Variants in NDUFS4 observed in about 807,000 individuals in gnomAD.
NDUFS4 encodes NADH dehydrogenase [ubiquinone] iron-sulfur protein 4, mitochondrial.
In NDUFS4, 28 loss-of-function variants were observed where a neutral mutation model predicts 24.3. The observed-to-expected ratio is 1.15, with a 90% CI of 0.85 to 1.58. NDUFS4 has a LOEUF of 1.58. Ranked by LOEUF, NDUFS4 falls within the 40% of genes most tolerant of loss-of-function variation. The probability of loss-of-function intolerance (pLI) is 0.00; values close to 1 mark genes in which losing one functional copy is unlikely to be tolerated. For missense variants in NDUFS4, 223 were observed against 207.9 expected (o/e 1.07, Z -0.45); for synonymous variants, 93 against 69.7 (o/e 1.34, Z -1.67).
intron 3 of NDUFS4, 140 bp downstream of exon 3, chr5:53,646,545 C>G: frequency 1.3e-6 from 1 of 794,498 alleles, no homozygotes; most frequent in Non-Finnish European, 2.1e-6. Flanking sequence ...CCACTGTGCT[C>G]AAAGATACAC....
At chr5:53,607,528 C>T (rs183264731) in intron 2 of NDUFS4, among the ~76,000 whole-genome samples, 124 of 152,088 alleles carry the variant, frequency 8.2e-4, no homozygotes, top group Admixed American at 1.4e-3. Context: ...ATGACACTAA[C>T]GGATGTGATT....
At chr5:53,629,105 CATCCTT>C (rs1338643886) in intron 2 of NDUFS4, among the ~76,000 whole-genome samples, 1 of 152,194 alleles carries the variant, frequency 6.6e-6, no homozygotes, top group African/African-American at 2.4e-5. Flanking sequence ...TTTCAAAGAA[CATCCTT>C]ATTTCTGCCT....
At chr5:53,628,262 G>A (rs2008659628) in intron 2 of NDUFS4, among the ~76,000 whole-genome samples, 1 of 152,186 alleles carries the variant, frequency 6.6e-6, no homozygotes, top group African/African-American at 2.4e-5. Context: ...GCTTTTTGAT[G>A]TGCTGCTGGA....
At chr5:53,636,834 G>A (rs142213010) in intron 2 of NDUFS4, among the ~76,000 whole-genome samples, 1 of 152,096 alleles carries the variant, frequency 6.6e-6, no homozygotes, top group South Asian at 2.1e-4. Context: ...TGTCGCATCT[G>A]CCCCCTTCTC....
At chr5:53,683,062 T>A (rs999795210) in intron 4 of NDUFS4, 56 bp from the exon 5 acceptor site, 8 of 1,152,950 alleles carry the variant, frequency 6.9e-6, no homozygotes, top group Non-Finnish European at 1.1e-5. Context: ...GCTGTGCTTT[T>A]CAGGTATCCT....
intron 2 of NDUFS4, among the ~76,000 whole-genome samples, chr5:53,626,598 T>C (rs1196189613): frequency 6.6e-6 from 1 of 152,234 alleles, no homozygotes; most frequent in Non-Finnish European, 1.5e-5. Context: ...TGGTATCTCA[T>C]TGTGGTTTTG....
At chr5:53,598,375 T>C (rs1469981764) in intron 1 of NDUFS4, among the ~76,000 whole-genome samples, 2 of 152,196 alleles carry the variant, frequency 1.3e-5, no homozygotes, top group Admixed American at 1.3e-4. Flanking sequence ...ATGTATGGTT[T>C]TGAAAGATTT....
intron 2 of NDUFS4, among the ~76,000 whole-genome samples, chr5:53,619,114 AAATAATAAT>A (rs574681564): frequency 3.4e-5 from 5 of 148,932 alleles, no homozygotes; most frequent in African/African-American, 5.0e-5. Context: ...ACTGTCTCCA[AAATAATAAT>A]AATAATAATA....
Position 53,616,498 on chromosome 5 carries a change from T to G in NDUFS4, c.177+12968T>G, listed in dbSNP as rs941551118. 6.6e-5 allele frequency among the ~76,000 whole-genome samples: 10 copies of G among 151,990 alleles called. No homozygotes were observed. The East Asian group carries it at 1.9e-3, about 29-fold the overall frequency. On this transcript the variant is annotated intron_variant, in intron 2 of 4. Coordinates refer to ENST00000296684, the MANE Select transcript of NDUFS4 (RefSeq NM_002495.4). ...CTGTGTGAATTAAGATCTGAATTGA[T>G]GAGAAAGAAGCAGCTGTGTGAGTAT...
intron 1 of NDUFS4, among the ~76,000 whole-genome samples, chr5:53,563,236 C>CAAAAAAAAAAAAAA (rs906204561): frequency 9.5e-6 from 1 of 105,050 alleles, no homozygotes. Context: ...CTCAAAAAAA[C>CAAAAAAAAAAAAAA]AAAAAAAAAA....
chr5:53,609,164 C>T (rs72751862), intron 2 of NDUFS4, among the ~76,000 whole-genome samples: 1 of 152,038 alleles, frequency 6.6e-6, no homozygotes, highest in South Asian at 2.1e-4. Context: ...GAATCCTTTC[C>T]GGAAGGTTTT....
At position 53,596,119 on chromosome 5, in the gene NDUFS4, G is replaced by A. The variant is rs144620129; in HGVS notation, c.99-7333G>A. Among the ~76,000 whole-genome samples, 86 of 152,106 alleles carry A rather than the reference G, an allele frequency of 5.7e-4. No individual in the cohort carries two copies. In the East Asian group the frequency reaches 0.013, roughly 22 times the overall value. On this transcript the variant is annotated intron_variant, in intron 1 of 4. Coordinates refer to ENST00000296684, the MANE Select transcript of NDUFS4 (RefSeq NM_002495.4). Reference sequence around the variant, plus strand: ...CTTTTCTTTTACTTTTACTCAGTCTGTCTTTCCAGAATGTTAAAATGGTCC... The same window carrying A: ...CTTTTCTTTTACTTTTACTCAGTCTATCTTTCCAGAATGTTAAAATGGTCC...
chr5:53,565,196 G>T (rs1579812774), intron 1 of NDUFS4, among the ~76,000 whole-genome samples: 1 of 152,226 alleles, frequency 6.6e-6, no homozygotes, highest in African/African-American at 2.4e-5. Flanking sequence ...TTGGATTGTA[G>T]ACTACATAGT....
At chr5:53,618,335 T>A (rs1047490793) in intron 2 of NDUFS4, among the ~76,000 whole-genome samples, 2 of 152,092 alleles carry the variant, frequency 1.3e-5, no homozygotes, top group Non-Finnish European at 2.9e-5. Flanking sequence ...TTTTTCTTCC[T>A]TTTTTTGCTA....
Position 53,683,250 on chromosome 5 carries a change from T to C in NDUFS4, c.*29T>C, listed in dbSNP as rs768955315. 1.4e-6 allele frequency: 2 copies of C among 1,465,390 alleles called. No individual in the cohort carries two copies. Among genetic ancestry groups the C allele is most frequent in the South Asian group, 1.1e-5 (1 of 88,050 alleles). The allele number at this position is 1,465,390 out of a possible 1,614,324, so 90.8% of individuals were successfully genotyped here. ...GGCACTGACTATATCTCTGCTTGAC[T>C]GTGAATAAAGTCAGCTGTGCAGTAT... On this transcript the variant is annotated 3_prime_UTR_variant, in exon 5 of 5. Coordinates refer to ENST00000296684, the MANE Select transcript of NDUFS4 (RefSeq NM_002495.4).
At chr5:53,672,071 G>A (rs1346093528) in intron 4 of NDUFS4, among the ~76,000 whole-genome samples, 1 of 152,032 alleles carries the variant, frequency 6.6e-6, no homozygotes, top group African/African-American at 2.4e-5. Flanking sequence ...AACAGGTCTG[G>A]CCCTGGATCC....
At chr5:53,638,570 A>G (rs1751620468) in intron 2 of NDUFS4, among the ~76,000 whole-genome samples, 1 of 152,054 alleles carries the variant, frequency 6.6e-6, no homozygotes, top group South Asian at 2.1e-4. Flanking sequence ...GGGAGAAGGT[A>G]GAGGGTTAGA....
chr5:53,646,890 A>G (rs184537323), intron 3 of NDUFS4, among the ~76,000 whole-genome samples: 159 of 152,186 alleles, frequency 1.0e-3, no homozygotes, highest in East Asian at 3.1e-3. Flanking sequence ...TCATAGGTCT[A>G]TGTGTTTAGG....
chr5:53,679,013 C>T (rs1024566790), intron 4 of NDUFS4, among the ~76,000 whole-genome samples: 1 of 152,062 alleles, frequency 6.6e-6, no homozygotes, highest in Admixed American at 6.6e-5. Flanking sequence ...CTTAACAGTA[C>T]CTCAAAAAAC....
Sources: allele counts gnomAD v4.1 joint callset (sites outside exome capture counted in the v4.1 genomes callset), GRCh38; gene constraint gnomAD v4.1.1; transcripts MANE v1.5; gene names NCBI Gene and HGNC (gene_info 2026-07-23, HGNC 2026-07-21).